The following RPS6KA3 variants were observed in gnomAD, a reference collection of about 807,000 sequenced individuals.
RPS6KA3 encodes the protein ribosomal protein S6 kinase A3, also known as ribosomal protein S6 kinase alpha-3.
A neutral mutation model predicts 67.2 loss-of-function variants in RPS6KA3; 4 were observed. The observed-to-expected ratio is 0.06, with a 90% CI of 0.03 to 0.14. The LOEUF (loss-of-function observed/expected upper bound fraction) is 0.14. Among genes scored for constraint, RPS6KA3 ranks in the 10% least tolerant of loss-of-function variants. The probability of loss-of-function intolerance (pLI) is 1.00; values close to 1 mark genes in which losing one functional copy is unlikely to be tolerated. For missense variants in RPS6KA3, 204 were observed against 559.0 expected (o/e 0.36, Z 6.40); for synonymous variants, 182 against 183.7 (o/e 0.99, Z 0.07).
In RPS6KA3 at chrX:20,167,804, G is replaced by A. The variant is rs368618167; in HGVS notation, c.1444-57C>T. ...ATTTGAAACTATATGTGCCCAAAAC[G>A]AAGTTTAAAATATAAAGGAAAAATT... On this transcript the variant is annotated intron_variant, in intron 16 of 21. Transcript: ENST00000379565. 7.6e-4 allele frequency: 593 copies of A among 777,350 alleles called. 2 individuals carry two copies. In the South Asian group the frequency reaches 0.011, roughly 14 times the overall value. 64.1% of individuals were successfully genotyped at this position (777,350 alleles called of 1,213,427 possible). A position where few individuals can be genotyped will look rare whatever the true frequency, so the allele number is the denominator to read the frequency against.
At chrX:20,179,436 A>G (rs1021258351) in intron 10 of RPS6KA3, among the ~76,000 whole-genome samples, 7 of 111,094 alleles carry the variant, frequency 6.3e-5, no homozygotes, top group Non-Finnish European at 1.3e-4. Context: ...GAAGAAAAGC[A>G]TATCATAGAC....
chrX:20,266,713 GC>G lies in RPS6KA3; in HGVS notation c.-82del. 1 of 656,454 alleles carries G rather than the reference GC, an allele frequency of 1.5e-6. No homozygotes were observed. Among genetic ancestry groups the G allele is most frequent in the Non-Finnish European group, 1.8e-6 (1 of 545,651 alleles). 54.1% of individuals were successfully genotyped at this position (656,454 alleles called of 1,213,427 possible). A position where few individuals can be genotyped will look rare whatever the true frequency, so the allele number is the denominator to read the frequency against. ...CCGGCCCCGCTCCGTCGCCGCCCGA[GC>G]CCCACGGCAGCGGCGGCGGCGGCGG... On this transcript the variant is annotated 5_prime_UTR_variant, in exon 1 of 22. Coordinates refer to ENST00000379565, the MANE Select transcript of RPS6KA3 (RefSeq NM_004586.3).
chrX:20,216,544 A>G (rs1283809127), intron 2 of RPS6KA3, among the ~76,000 whole-genome samples: 2 of 110,732 alleles, frequency 1.8e-5, no homozygotes, highest in East Asian at 2.8e-4. Context: ...AAGAAAAGAT[A>G]TTGAGTTGAG....
intron 1 of RPS6KA3, among the ~76,000 whole-genome samples, chrX:20,255,225 C>A (rs1350156926): frequency 9.0e-6 from 1 of 111,627 alleles, no homozygotes; most frequent in African/African-American, 3.3e-5. Flanking sequence ...TGAAAACAGA[C>A]ACAAAGGCCA....
At position 20,209,191 on chromosome X, in the gene RPS6KA3, A is replaced by G. The variant is rs984841038; in HGVS notation, c.243+97T>C. ...AACAGAAAACATTGCTGGTAGGAAGACTGGTAGCATTTCATAAAATATTTG... is the reference window on the plus strand; with the variant it reads ...AACAGAAAACATTGCTGGTAGGAAGGCTGGTAGCATTTCATAAAATATTTG... On this transcript the variant is annotated intron_variant, in intron 3 of 21. Coordinates refer to ENST00000379565, the MANE Select transcript of RPS6KA3 (RefSeq NM_004586.3). 5.4e-6 allele frequency: 3 copies of G among 555,121 alleles called. No homozygotes were observed. In the African/African-American group the frequency reaches 6.8e-5, roughly 13 times the overall value. The allele number at this position is 555,121 out of a possible 1,213,427, so 45.7% of individuals were successfully genotyped here.
upstream of RPS6KA3, chrX:20,267,073 A>G: frequency 1.3e-6 from 1 of 753,476 alleles, no homozygotes; most frequent in Non-Finnish European, 1.6e-6. Context: ...CGCCGCCACC[A>G]CCGCCGCGCG....
chrX:20,209,262 T>TA, intron 3 of RPS6KA3, 26 bp downstream of exon 3: 2 of 868,112 alleles, frequency 2.3e-6, no homozygotes, highest in Non-Finnish European at 3.4e-6. Flanking sequence ...AGACAACTCT[T>TA]AAAAAAGCAC....
At chrX:20,160,109 G>A (rs1274404393) in intron 20 of RPS6KA3, among the ~76,000 whole-genome samples, 1 of 112,063 alleles carries the variant, frequency 8.9e-6, no homozygotes, top group Non-Finnish European at 1.9e-5. Flanking sequence ...CTCCTTCACC[G>A]CTTCTGGAAA....
At chrX:20,202,453 A>G (rs2068466120) in intron 4 of RPS6KA3, among the ~76,000 whole-genome samples, 1 of 111,632 alleles carries the variant, frequency 9.0e-6, no homozygotes, top group South Asian at 3.7e-4. Context: ...CCAATAACAC[A>G]CTAAGTTAGT....
intron 15 of RPS6KA3, among the ~76,000 whole-genome samples, chrX:20,171,843 G>C (rs2067581583): frequency 8.9e-6 from 1 of 112,065 alleles, no homozygotes; most frequent in African/African-American, 3.2e-5. Context: ...ATTTCAGTAA[G>C]AGCAATGAAT....
Position 20,254,947 on chromosome X carries a change from T to C in RPS6KA3, c.69+11617A>G, listed in dbSNP as rs945675443. Among the ~76,000 whole-genome samples the C allele has an allele frequency of 6.2e-5, 7 of 112,009 alleles. No individual in the cohort carries two copies. The East Asian group carries it at 1.4e-3, about 22-fold the overall frequency. ...TGGCAGTACCTCAAAAAGCTAAACA[T>C]AGATTTACCATATGACTCAGCAATT... On this transcript the variant is annotated intron_variant, in intron 1 of 21. Coordinates refer to ENST00000379565, the MANE Select transcript of RPS6KA3 (RefSeq NM_004586.3).
chrX:20,229,100 C>A (rs1403181303), intron 2 of RPS6KA3, among the ~76,000 whole-genome samples: 1 of 108,856 alleles, frequency 9.2e-6, no homozygotes, highest in African/African-American at 3.4e-5. Context: ...TGCGACAACT[C>A]AAACAAAGTA....
chrX:20,173,179 G>T (rs1176792459), intron 14 of RPS6KA3, among the ~76,000 whole-genome samples: 1 of 111,373 alleles, frequency 9.0e-6, no homozygotes, highest in Admixed American at 9.6e-5. Context: ...CCTTATTCCA[G>T]TCCCCAGTCG....
chrX:20,215,523 A>C (rs1332252241), intron 2 of RPS6KA3, among the ~76,000 whole-genome samples: 1 of 111,431 alleles, frequency 9.0e-6, no homozygotes, highest in Non-Finnish European at 1.9e-5. Flanking sequence ...TACTAATCAC[A>C]CCAGCAAACT....
At chrX:20,171,403 T>C (rs772562157) in intron 15 of RPS6KA3, among the ~76,000 whole-genome samples, 2 of 111,218 alleles carry the variant, frequency 1.8e-5, no homozygotes, top group Admixed American at 1.9e-4. Context: ...GGCAAATGGG[T>C]GATTAAGAGG....
At chrX:20,202,018 C>T (rs1375939047) in intron 4 of RPS6KA3, among the ~76,000 whole-genome samples, 4 of 85,678 alleles carry the variant, frequency 4.7e-5, no homozygotes, top group African/African-American at 1.7e-4. Flanking sequence ...TTGCTCTTGT[C>T]GCCTAGGCTG....
chrX:20,255,376 G>A (rs2070012427), intron 1 of RPS6KA3, among the ~76,000 whole-genome samples: 1 of 109,806 alleles, frequency 9.1e-6, no homozygotes, highest in Non-Finnish European at 1.9e-5. Flanking sequence ...CTTTTTGGGG[G>A]TGATGAAAAT....
intron 2 of RPS6KA3, chrX:20,218,914 G>T: frequency 1.1e-6 from 1 of 899,247 alleles, no homozygotes; most frequent in Non-Finnish European, 1.6e-6. Flanking sequence ...CCAAGCCCCT[G>T]CAAAGTTTTC....
At chrX:20,255,224 A>G (rs765172599) in intron 1 of RPS6KA3, among the ~76,000 whole-genome samples, 2 of 111,967 alleles carry the variant, frequency 1.8e-5, no homozygotes, top group African/African-American at 6.5e-5. Flanking sequence ...TTGAAAACAG[A>G]CACAAAGGCC....
Sources: gnomAD v4.1 joint callset for allele counts (sites outside exome capture counted in the v4.1 genomes callset) on GRCh38, gnomAD v4.1.1 for gene constraint, MANE v1.5 for transcripts, NCBI Gene and HGNC (gene_info 2026-07-23, HGNC 2026-07-21) for gene names.